The following VSTM2A variants were observed in gnomAD, a reference collection of about 807,000 sequenced individuals.
VSTM2A encodes V-set and transmembrane domain containing 2A.
Under a neutral mutation model 27.3 loss-of-function variants are expected in VSTM2A, and 13 were observed. The ratio of observed to expected loss-of-function variants is 0.48; its 90% confidence interval spans 0.31 to 0.76. The LOEUF (loss-of-function observed/expected upper bound fraction) is 0.76, where lower values mean the gene tolerates loss of function less well. Ranked by LOEUF, VSTM2A falls within the 30% of genes least tolerant of loss-of-function variation. The pLI is 0.05. For missense variants in VSTM2A, 280 were observed against 310.0 expected (o/e 0.90, Z 0.73); for synonymous variants, 142 against 125.7 (o/e 1.13, Z -0.87).
chr7:54,555,013 G>A (rs996920700), intron 4 of VSTM2A, among the ~76,000 whole-genome samples: 1 of 152,194 alleles, frequency 6.6e-6, no homozygotes, highest in Non-Finnish European at 1.5e-5. Context: ...AAAAAGAAAT[G>A]TTCTTCCTCC....
intron 2 of VSTM2A, chr7:54,546,569 C>CCCCCCCGCCT (rs1311520005): frequency 6.3e-6 from 1 of 157,846 alleles, no homozygotes; most frequent in African/African-American, 2.7e-5. Context: ...CCCGCCTGCC[C>CCCCCCCGCCT]GCCCGCCCAC....
rs77125439 is a variant in VSTM2A at position 54,570,948 on chromosome 7, T to A, written c.*1729T>A. ...TAAGCAAGTATATATTTTCATAATATTCTTGACATTACCTGAGAAATAATA... is the reference window on the plus strand; with the variant it reads ...TAAGCAAGTATATATTTTCATAATAATCTTGACATTACCTGAGAAATAATA... On this transcript the variant is annotated 3_prime_UTR_variant, in exon 5 of 5. Coordinates refer to ENST00000402613, the MANE Select transcript of VSTM2A (RefSeq NM_001301009.2). The A allele has an allele frequency of 6.6e-6, 1 of 152,180 alleles. No homozygotes were observed. The highest frequency in any genetic ancestry group is 1.5e-5 in the Non-Finnish European group (1 of 68,016). 9.4% of individuals were successfully genotyped at this position (152,180 alleles called of 1,614,324 possible). A position where few individuals can be genotyped will look rare whatever the true frequency, so the allele number is the denominator to read the frequency against.
rs1787887585 is a variant in VSTM2A, at chr7:54,544,730, G to GGT, written c.190_191dup (p.Trp64CysfsTer39). 1.2e-6 allele frequency: 2 copies of GGT among 1,612,592 alleles called. No homozygotes were observed. Among genetic ancestry groups the GGT allele is most frequent in the Non-Finnish European group, 1.7e-6 (2 of 1,179,830 alleles). On this transcript the variant is annotated frameshift_variant, in exon 2 of 5. Transcript: ENST00000402613. LOFTEE classifies it high-confidence loss of function. ...GCCTCGGTGTATCTGGAGATCCAAT[G>GGT]GTGGTTCCTGCGGGGGCCGGAGGAC...
At chr7:54,562,722 T>C (rs1788600870) in intron 4 of VSTM2A, among the ~76,000 whole-genome samples, 1 of 152,210 alleles carries the variant, frequency 6.6e-6, no homozygotes, top group African/African-American at 2.4e-5. Context: ...ATGCCATTTG[T>C]CTCCATTGCA....
In VSTM2A at chr7:54,542,480, C is replaced by T; in HGVS notation, c.-251C>T. 1 of 507,524 alleles carries T rather than the reference C, an allele frequency of 2.0e-6. No homozygotes were observed. Among genetic ancestry groups the T allele is most frequent in the Non-Finnish European group, 3.4e-6 (1 of 290,432 alleles). The allele number at this position is 507,524 out of a possible 1,614,324, so 31.4% of individuals were successfully genotyped here. A position where few individuals can be genotyped will look rare whatever the true frequency, so the allele number is the denominator to read the frequency against. On this transcript the variant is annotated 5_prime_UTR_variant, in exon 1 of 5. Coordinates refer to ENST00000402613, the MANE Select transcript of VSTM2A (RefSeq NM_001301009.2). ...AGGTAGCTGAAAGCAGGCAGCCAGG[C>T]AGCCGAGACACTTCCCAGCGATTCC...
chr7:54,548,263 A>G (rs1347386061), intron 3 of VSTM2A, among the ~76,000 whole-genome samples: 1 of 152,134 alleles, frequency 6.6e-6, no homozygotes, highest in Admixed American at 6.5e-5. Flanking sequence ...TACACACACA[A>G]CTGTTGATAG....
intron 3 of VSTM2A, among the ~76,000 whole-genome samples, chr7:54,549,511 G>A (rs1788111087): frequency 6.6e-6 from 1 of 152,210 alleles, no homozygotes. Flanking sequence ...ATTGAACTGA[G>A]TTAAGCAGGC....
intron 4 of VSTM2A, among the ~76,000 whole-genome samples, chr7:54,555,768 A>C (rs532584572): frequency 4.9e-4 from 75 of 152,280 alleles, no homozygotes; most frequent in Non-Finnish European, 9.4e-4. Context: ...AGTGGGGCTC[A>C]TGTTATTATT....
At position 54,553,851 on chromosome 7, in the gene VSTM2A, T is replaced by C. The variant is rs150243776; in HGVS notation, c.634+3681T>C. On this transcript the variant is annotated intron_variant, in intron 4 of 4. Coordinates refer to ENST00000402613, the MANE Select transcript of VSTM2A (RefSeq NM_001301009.2). ...TACTAAGTCATTCTCTACTTGTTTC[T>C]TCCTGTCTCATCCAGTGTCTCCAAT... is the stretch of plus-strand genomic sequence containing the variant. 701 of 1,551,234 alleles carry C rather than the reference T, an allele frequency of 4.5e-4. 7 individuals are homozygous for C. The East Asian group carries it at 0.016, about 35-fold the overall frequency.
At chr7:54,560,224 T>C (rs1336124750) in intron 4 of VSTM2A, among the ~76,000 whole-genome samples, 1 of 152,162 alleles carries the variant, frequency 6.6e-6, no homozygotes, top group Non-Finnish European at 1.5e-5. Context: ...TATCTACACA[T>C]GTACATATAT....
Position 54,554,044 on chromosome 7 carries a change from G to T in VSTM2A, c.634+3874G>T, listed in dbSNP as rs987017696. Reference sequence around the variant, plus strand: ...CAACCTGGCCATGGATCAACCCCTGGTGTGCAGAGCTGCGTGCTGGCTCCT... The same window carrying T: ...CAACCTGGCCATGGATCAACCCCTGTTGTGCAGAGCTGCGTGCTGGCTCCT... On this transcript the variant is annotated intron_variant, in intron 4 of 4. Transcript: ENST00000402613. 6 of 1,552,666 alleles carry T rather than the reference G, an allele frequency of 3.9e-6. No homozygotes were observed. In the African/African-American group the frequency reaches 5.5e-5, roughly 14 times the overall value.
intron 4 of VSTM2A, chr7:54,550,476 C>T (rs1584050774): frequency 5.2e-6 from 3 of 571,516 alleles, no homozygotes; most frequent in East Asian, 3.2e-5. Flanking sequence ...ATGTTGGTTA[C>T]ATTACAAATG....
intron 1 of VSTM2A, among the ~76,000 whole-genome samples, chr7:54,543,598 G>A (rs920323562): frequency 1.3e-5 from 2 of 151,808 alleles, no homozygotes; most frequent in South Asian, 4.2e-4. Flanking sequence ...TCTTTAAACC[G>A]GGGGTGAGGT....
rs533294157 is a variant in VSTM2A, at chr7:54,553,069, G to A, written c.634+2899G>A. On this transcript the variant is annotated intron_variant, in intron 4 of 4. Transcript: ENST00000402613. ...ACAATTAATTTAACCAGTTTTTCTA[G>A]AGCAGAGATTTACATGAATAGAAGA... 7.6e-4 allele frequency among the ~76,000 whole-genome samples: 115 copies of A among 152,172 alleles called. 1 individual carries two copies. The highest frequency in any genetic ancestry group is 3.4e-3 in the Middle Eastern group (1 of 294).
At chr7:54,565,488 G>A (rs1562715779) in intron 4 of VSTM2A, among the ~76,000 whole-genome samples, 1 of 152,212 alleles carries the variant, frequency 6.6e-6, no homozygotes, top group Non-Finnish European at 1.5e-5. Flanking sequence ...TAGCACAGAC[G>A]GAGGTCTAAA....
intron 4 of VSTM2A, among the ~76,000 whole-genome samples, chr7:54,555,455 GTTTCC>G (rs1788325293): frequency 6.6e-6 from 1 of 152,124 alleles, no homozygotes; most frequent in African/African-American, 2.4e-5. Context: ...TGCAAATGCT[GTTTCC>G]TTTGTATGAG....
At chr7:54,568,510 C>CT (rs1277217712) in intron 4 of VSTM2A, among the ~76,000 whole-genome samples, 1 of 151,772 alleles carries the variant, frequency 6.6e-6, no homozygotes, top group East Asian at 1.9e-4. Context: ...ATAGCACTAA[C>CT]TTTCTCCAAG....
intron 1 of VSTM2A, among the ~76,000 whole-genome samples, chr7:54,543,472 C>T (rs1787849870): frequency 6.6e-6 from 1 of 152,154 alleles, no homozygotes; most frequent in South Asian, 2.1e-4. Flanking sequence ...TAGAAAAGCC[C>T]TTTTCCGATC....
intron 4 of VSTM2A, among the ~76,000 whole-genome samples, chr7:54,565,967 A>C (rs1788708063): frequency 6.6e-6 from 1 of 152,172 alleles, no homozygotes; most frequent in East Asian, 1.9e-4. Context: ...AGGATGAGAA[A>C]TGGAAGCCAA....
Sources: allele counts gnomAD v4.1 joint callset (sites outside exome capture counted in the v4.1 genomes callset), GRCh38; gene constraint gnomAD v4.1.1; transcripts MANE v1.5; gene names NCBI Gene and HGNC (gene_info 2026-07-23, HGNC 2026-07-21).